Variants in ANK2 observed in about 807,000 individuals in gnomAD.
ANK2 encodes the protein ankyrin 2.
ANK2 carries 83 observed loss-of-function variants against 360.5 expected under a neutral mutation model. That is an observed-to-expected ratio of 0.23 (90% CI 0.19 to 0.28). The LOEUF (loss-of-function observed/expected upper bound fraction) is 0.28. Ranked by LOEUF, ANK2 falls within the 10% of genes least tolerant of loss-of-function variation. The probability of loss-of-function intolerance (pLI) is 1.00; values close to 1 mark genes in which losing one functional copy is unlikely to be tolerated. For synonymous variants in ANK2, 1,740 were observed against 1,759.5 expected (o/e 0.99, Z 0.28); for missense variants, 4,201 against 4,795.7 (o/e 0.88, Z 3.66).
chr4:112,705,901 C>T, the ANK2 span, among the ~76,000 whole-genome samples: 3 of 151,598 alleles, frequency 2.0e-5, no homozygotes, highest in Admixed American at 6.6e-5. Context: ...GCGTCCGACC[C>T]CGGCCCGCCG....
chr4:113,159,501 T>C (rs1448786442), intron 1 of ANK2, among the ~76,000 whole-genome samples: 1 of 152,164 alleles, frequency 6.6e-6, no homozygotes, highest in Non-Finnish European at 1.5e-5. Flanking sequence ...TAGTCAGTAA[T>C]TGCCCTTTCA....
chr4:112,750,340 G>A, the ANK2 span, among the ~76,000 whole-genome samples: 3 of 151,920 alleles, frequency 2.0e-5, no homozygotes, highest in Non-Finnish European at 1.5e-5. Context: ...CAGCCTGGGC[G>A]ACAGAGTGAG....
At chr4:112,907,739 A>G (rs1353935356) in intron 2 of ANK2, among the ~76,000 whole-genome samples, 1 of 152,198 alleles carries the variant, frequency 6.6e-6, no homozygotes, top group Non-Finnish European at 1.5e-5. Context: ...TTATATTGAT[A>G]ATTTTAGTGA....
At chr4:112,744,620 G>T in the ANK2 span, among the ~76,000 whole-genome samples, 1 of 152,118 alleles carries the variant, frequency 6.6e-6, no homozygotes, top group Non-Finnish European at 1.5e-5. Flanking sequence ...AAAGTGCTGG[G>T]ATTACAGGCA....
chr4:113,340,755 G>T (rs72901931), intron 32 of ANK2, among the ~76,000 whole-genome samples: 21,075 of 151,190 alleles, frequency 0.14, 2,847 homozygotes, highest in African/African-American at 0.36. Context: ...TAGGACTGTT[G>T]GTTGCCAACA....
chr4:112,910,349 A>C (rs1580991224), intron 2 of ANK2, among the ~76,000 whole-genome samples: 1 of 152,320 alleles, frequency 6.6e-6, no homozygotes, highest in South Asian at 2.1e-4. Context: ...TGCAAATCTT[A>C]TAGGAAGGAC....
intron 39 of ANK2, among the ~76,000 whole-genome samples, chr4:113,361,217 A>G (rs796365701): frequency 3.7e-4 from 57 of 152,240 alleles, no homozygotes; most frequent in African/African-American, 1.3e-3. Context: ...TCATTTTTAG[A>G]TGTAATTTTT....
rs890497576 is a variant in ANK2 at position 113,335,755 on chromosome 4, T to C, written c.3380-91T>C. On this transcript the variant is annotated intron_variant, in intron 29 of 45. Coordinates refer to ENST00000357077, the MANE Select transcript of ANK2 (RefSeq NM_001148.6). ...AAAATGTGTTTTGCTGGCACTTCTG[T>C]TCATTATTAACCGAGCGAATGAGTT... 31 of 1,337,890 alleles carry C rather than the reference T, an allele frequency of 2.3e-5. No individual in the cohort carries two copies. In the Admixed American group the frequency reaches 4.9e-4, roughly 21 times the overall value. The allele number at this position is 1,337,890 out of a possible 1,614,324, so 82.9% of individuals were successfully genotyped here.
chr4:113,153,296 A>G (rs2097161114), intron 1 of ANK2, among the ~76,000 whole-genome samples: 1 of 152,116 alleles, frequency 6.6e-6, no homozygotes. Flanking sequence ...GTACCTTTAT[A>G]TTTGCTACTT....
intron 2 of ANK2, among the ~76,000 whole-genome samples, chr4:113,174,864 G>A (rs1318225007): frequency 6.6e-6 from 1 of 151,922 alleles, no homozygotes; most frequent in Non-Finnish European, 1.5e-5. Flanking sequence ...TTGACTATAT[G>A]CACTTTACTC....
chr4:113,344,231 G>A (rs56279783), intron 34 of ANK2, among the ~76,000 whole-genome samples: 3,321 of 152,214 alleles, frequency 0.022, 135 homozygotes, highest in African/African-American at 0.075. Flanking sequence ...CAAAATGAGG[G>A]AAGTGCTTCA....
Position 113,353,441 on chromosome 4 carries a change from C to T in ANK2, c.4823C>T (p.Pro1608Leu). The T allele has an allele frequency of 6.2e-7, 1 of 1,613,980 alleles. No homozygotes were observed. Among genetic ancestry groups the T allele is most frequent in the Non-Finnish European group, 8.5e-7 (1 of 1,179,968 alleles). The part of the protein sequence containing the change: ...EEIEEARQKA[P>L]LEITEYPCVE... ...ATAGAAGAGGCTAGGCAAAAAGCAC[C>T]TTTAGAAATCACTGAATATCCATGT... Residue 1608 changes from proline to leucine, a missense_variant, in exon 38 of 46, where the codon CCT (proline) becomes CTT (leucine). Coordinates refer to ENST00000357077, the MANE Select transcript of ANK2 (RefSeq NM_001148.6).
In ANK2 at chr4:112,851,012, A is replaced by G. The variant is rs35736722; in HGVS notation, c.-40+32748A>G. Among the ~76,000 whole-genome samples the G allele has an allele frequency of 6.6e-3, 998 of 152,280 alleles. 10 individuals carry two copies. Among genetic ancestry groups the G allele is most frequent in the African/African-American group, 0.022 (924 of 41,566 alleles). ...ATTTCGTTACTTGAAGGACATTACT[A>G]AGGTTTTATGGGACCAATAAATAGC... On this transcript the variant is annotated intron_variant, in intron 1 of 30. Transcript: ENST00000503271.
intron 5 of ANK2, among the ~76,000 whole-genome samples, chr4:113,235,429 A>T (rs1351998203): frequency 6.6e-6 from 1 of 152,222 alleles, no homozygotes; most frequent in African/African-American, 2.4e-5. Flanking sequence ...TTTTTTCCTC[A>T]GAAGTCTGCA....
chr4:113,082,115 A>G (rs1581042385), intron 1 of ANK2, among the ~76,000 whole-genome samples: 1 of 152,216 alleles, frequency 6.6e-6, no homozygotes, highest in East Asian at 1.9e-4. Context: ...GGTCATGAAA[A>G]CATGTATTCT....
chr4:113,069,477 A>G (rs1403925343), intron 1 of ANK2, among the ~76,000 whole-genome samples: 1 of 152,198 alleles, frequency 6.6e-6, no homozygotes, highest in Non-Finnish European at 1.5e-5. Context: ...AATCCAATCA[A>G]CGAAGATCAG....
At chr4:113,306,856 T>C (rs1305177427) in intron 23 of ANK2, among the ~76,000 whole-genome samples, 3 of 152,126 alleles carry the variant, frequency 2.0e-5, no homozygotes, top group Non-Finnish European at 4.4e-5. Context: ...ATAACATCCT[T>C]ATGGAGGAAT....
Position 113,356,908 on chromosome 4 carries a change from A to G in ANK2, c.8290A>G (p.Arg2764Gly). Reference sequence around the variant, plus strand: ...AGACAGGTCTTATGATAAGCTAAACAGAGACACTGATCAGCCAAAAATCTG... The same window carrying G: ...AGACAGGTCTTATGATAAGCTAAACGGAGACACTGATCAGCCAAAAATCTG... ...AEDRSYDKLNRDTDQPKICDG... is the reference protein window; with the variant it reads ...AEDRSYDKLNGDTDQPKICDG... The change falls in exon 38 of 46, where the codon AGA becomes GGA. Residue 2764 changes from arginine (R) to glycine (G), a missense_variant. Physicochemically the swap from Arg to Gly is moderately radical, Grantham distance 125. Transcript: ENST00000357077. 1 of 1,614,092 alleles carries G rather than the reference A, an allele frequency of 6.2e-7. No individual in the cohort carries two copies. The highest frequency in any genetic ancestry group is 8.5e-7 in the Non-Finnish European group (1 of 1,179,992).
At chr4:112,953,626 T>C (rs1276980419) in intron 2 of ANK2, among the ~76,000 whole-genome samples, 1 of 152,238 alleles carries the variant, frequency 6.6e-6, no homozygotes, top group Admixed American at 6.5e-5. Flanking sequence ...CTCTTTCAGA[T>C]AGTTATTAAT....
Sources: gnomAD v4.1 joint callset for allele counts (sites outside exome capture counted in the v4.1 genomes callset) on GRCh38, gnomAD v4.1.1 for gene constraint, MANE v1.5 for transcripts, NCBI Gene and HGNC (gene_info 2026-07-23, HGNC 2026-07-21) for gene names.